Variants in PRKG1 observed in about 807,000 individuals in gnomAD.
PRKG1 encodes the protein protein kinase cGMP-dependent 1, also known as cGMP-dependent protein kinase 1.
PRKG1 carries 35 observed loss-of-function variants against 88.1 expected under a neutral mutation model. That is an observed-to-expected ratio of 0.40 (90% CI 0.30 to 0.53). The LOEUF (loss-of-function observed/expected upper bound fraction) is 0.53. Among genes scored for constraint, PRKG1 ranks in the 20% least tolerant of loss-of-function variants. The probability of loss-of-function intolerance (pLI) is 0.59; values close to 1 mark genes in which losing one functional copy is unlikely to be tolerated. For synonymous variants in PRKG1, 303 were observed against 292.5 expected (o/e 1.04, Z -0.37); for missense variants, 540 against 839.8 (o/e 0.64, Z 4.41).
intron 2 of PRKG1, among the ~76,000 whole-genome samples, chr10:51,231,970 C>T (rs1216505778): frequency 6.6e-6 from 1 of 152,126 alleles, no homozygotes; most frequent in Non-Finnish European, 1.5e-5. Flanking sequence ...TTTTTACTGC[C>T]TCTATTTTTG....
At position 52,272,375 on chromosome 10, in the gene PRKG1, T is replaced by C; in HGVS notation, c.1314-17T>C. 1 of 1,546,264 alleles carries C rather than the reference T, an allele frequency of 6.5e-7. No individual in the cohort carries two copies. Among genetic ancestry groups the C allele is most frequent in the Non-Finnish European group, 8.9e-7 (1 of 1,129,564 alleles). On this transcript the variant is annotated splice_polypyrimidine_tract_variant and intron_variant, in intron 11 of 17. Transcript: ENST00000373980. The stretch of plus-strand genomic sequence containing the variant: ...AGTAATGTTTATAATCTTTGTTTTC[T>C]TGTTTGCAATTTACAGACTGTACAG...
intron 2 of PRKG1, among the ~76,000 whole-genome samples, chr10:51,377,905 C>T (rs1032876958): frequency 2.3e-4 from 35 of 152,182 alleles, no homozygotes; most frequent in African/African-American, 8.0e-4. Flanking sequence ...TGACTGAGCT[C>T]CTGGCCTCTG....
intron 1 of PRKG1, among the ~76,000 whole-genome samples, chr10:51,113,734 A>AG (rs1405024566): frequency 8.4e-6 from 1 of 118,442 alleles, no homozygotes; most frequent in Admixed American, 8.8e-5. Flanking sequence ...TATTTAAAAA[A>AG]AAAAAAAAAA....
intron 3 of PRKG1, among the ~76,000 whole-genome samples, chr10:51,596,240 T>G (rs988983477): frequency 2.0e-5 from 3 of 152,332 alleles, no homozygotes; most frequent in East Asian, 3.9e-4. Context: ...AAAGCACATC[T>G]GACATGAGGT....
intron 3 of PRKG1, among the ~76,000 whole-genome samples, chr10:51,610,700 G>T (rs1349736846): frequency 6.6e-6 from 1 of 152,082 alleles, no homozygotes; most frequent in Non-Finnish European, 1.5e-5. Flanking sequence ...ATGCATAAAA[G>T]GACACTATGC....
At chr10:51,743,688 T>TAAA (rs1837496682) in intron 3 of PRKG1, among the ~76,000 whole-genome samples, 1 of 135,370 alleles carries the variant, frequency 7.4e-6, no homozygotes, top group African/African-American at 2.8e-5. Flanking sequence ...ATATATAATT[T>TAAA]ATTATATATA....
At position 50,992,469 on chromosome 10, in the gene PRKG1, A is replaced by C. The variant is rs535220413; in HGVS notation, c.266+825A>C. 1.2e-4 allele frequency among the ~76,000 whole-genome samples: 18 copies of C among 152,258 alleles called. 2 individuals carry two copies. The East Asian group carries it at 3.5e-3, about 29-fold the overall frequency. ...GAGGCTGCTCGTCAGCCCTGTCCCA[A>C]GGTGGATAGTGCGCCCTCCCTTTTT... is the stretch of plus-strand genomic sequence containing the variant. On this transcript the variant is annotated intron_variant, in intron 1 of 17. Coordinates refer to the PRKG1 transcript ENST00000401604.
chr10:51,698,364 T>C (rs1275137115), intron 3 of PRKG1: 2 of 1,614,172 alleles, frequency 1.2e-6, no homozygotes, highest in Non-Finnish European at 1.7e-6. Flanking sequence ...ATGGGGCCTC[T>C]GGGCTCTCCA....
intron 2 of PRKG1, among the ~76,000 whole-genome samples, chr10:51,465,595 A>T (rs1839884574): frequency 6.6e-6 from 1 of 152,194 alleles, no homozygotes; most frequent in East Asian, 1.9e-4. Context: ...GAAAAGTACA[A>T]AGCCATTGCA....
At chr10:52,072,116 T>G (rs1291291677) in intron 7 of PRKG1, among the ~76,000 whole-genome samples, 1 of 148,684 alleles carries the variant, frequency 6.7e-6, no homozygotes, top group African/African-American at 2.5e-5. Flanking sequence ...CTTGGGACCC[T>G]TCTCTTTCCA....
At chr10:51,541,138 G>A (rs1724594108) in intron 3 of PRKG1, among the ~76,000 whole-genome samples, 2 of 152,156 alleles carry the variant, frequency 1.3e-5, no homozygotes, top group Non-Finnish European at 2.9e-5. Flanking sequence ...GGTGGGGGAT[G>A]GCTTCAGGAT....
intron 5 of PRKG1, among the ~76,000 whole-genome samples, chr10:52,013,945 T>C (rs1405095396): frequency 1.3e-5 from 2 of 152,156 alleles, no homozygotes; most frequent in Non-Finnish European, 2.9e-5. Context: ...TTTCCTGGAC[T>C]CACTGCCCTT....
At chr10:51,975,878 A>G (rs1843819336) in intron 5 of PRKG1, among the ~76,000 whole-genome samples, 1 of 152,080 alleles carries the variant, frequency 6.6e-6, no homozygotes, top group African/African-American at 2.4e-5. Context: ...ATATCTGATA[A>G]GGGACTTGCA....
At chr10:51,528,920 C>T (rs2132089510) in intron 3 of PRKG1, among the ~76,000 whole-genome samples, 1 of 152,176 alleles carries the variant, frequency 6.6e-6, no homozygotes, top group Non-Finnish European at 1.5e-5. Context: ...CAGGTCATAC[C>T]TACTGATTAA....
At chr10:51,506,382 G>A (rs1259710084) in intron 3 of PRKG1, among the ~76,000 whole-genome samples, 2 of 152,048 alleles carry the variant, frequency 1.3e-5, no homozygotes, top group Non-Finnish European at 1.5e-5. Flanking sequence ...TACAGAATGG[G>A]AGAAAATTTT....
At chr10:51,497,123 C>G (rs1207006814) in intron 3 of PRKG1, among the ~76,000 whole-genome samples, 1 of 152,146 alleles carries the variant, frequency 6.6e-6, no homozygotes, top group Non-Finnish European at 1.5e-5. Context: ...GTTGTGATAA[C>G]TACATTAAGT....
At chr10:51,538,593 T>A (rs1842222783) in intron 3 of PRKG1, among the ~76,000 whole-genome samples, 2 of 151,016 alleles carry the variant, frequency 1.3e-5, no homozygotes, top group African/African-American at 4.8e-5. Context: ...ATGATGAATG[T>A]CTGAAAATTC....
At chr10:52,085,851 T>G (rs1194421970) in intron 7 of PRKG1, among the ~76,000 whole-genome samples, 5 of 152,076 alleles carry the variant, frequency 3.3e-5, no homozygotes, top group Non-Finnish European at 5.9e-5. Flanking sequence ...ACATATTTAC[T>G]CTTTTTTTCA....
chr10:51,919,162 C>T (rs1006506463), intron 5 of PRKG1, among the ~76,000 whole-genome samples: 5 of 152,192 alleles, frequency 3.3e-5, no homozygotes, highest in African/African-American at 1.2e-4. Context: ...TACTGCTTCC[C>T]TGCGGAAAAG....
Sources: gnomAD v4.1 joint callset for allele counts (sites outside exome capture counted in the v4.1 genomes callset) on GRCh38, gnomAD v4.1.1 for gene constraint, MANE v1.5 for transcripts, NCBI Gene and HGNC (gene_info 2026-07-23, HGNC 2026-07-21) for gene names.